MC2R: variants seen among roughly 807,000 people sequenced by gnomAD.
MC2R encodes melanocortin 2 receptor.
A neutral mutation model predicts 9.8 loss-of-function variants in MC2R; 9 were observed. The ratio of observed to expected loss-of-function variants is 0.92; its 90% CI spans 0.55 to 1.60. The LOEUF (loss-of-function observed/expected upper bound fraction) is 1.60. MC2R is among the 40% of genes most tolerant of loss of function. The pLI, the probability that MC2R is intolerant of heterozygous loss-of-function variation, is 0.00. For missense variants in MC2R, 370 were observed against 389.0 expected (o/e 0.95, Z 0.41); for synonymous variants, 185 against 154.7 (o/e 1.20, Z -1.45).
chr18:13,911,743 A>AT (rs1463002345), intron 1 of MC2R, among the ~76,000 whole-genome samples: 1 of 152,184 alleles, frequency 6.6e-6, no homozygotes, highest in Non-Finnish European at 1.5e-5. Context: ...AGATTGGGGC[A>AT]TATGAGGAGG....
At chr18:13,901,051 C>A (rs1239978970) in intron 1 of MC2R, among the ~76,000 whole-genome samples, 1 of 152,050 alleles carries the variant, frequency 6.6e-6, no homozygotes, top group Non-Finnish European at 1.5e-5. Context: ...CAAGTATCTT[C>A]TCTGACCACA....
chr18:13,896,393 G>A (rs1459991809), intron 1 of MC2R, among the ~76,000 whole-genome samples: 1 of 152,128 alleles, frequency 6.6e-6, no homozygotes, highest in Admixed American at 6.5e-5. Context: ...AGTGTGAGAG[G>A]TAACTATTCT....
At chr18:13,903,374 T>C (rs2045392104) in intron 1 of MC2R, among the ~76,000 whole-genome samples, 1 of 152,204 alleles carries the variant, frequency 6.6e-6, no homozygotes, top group African/African-American at 2.4e-5. Context: ...ATCAGCATAT[T>C]GAAGAGGTAT....
At chr18:13,897,441 C>T (rs1183570938) in intron 1 of MC2R, among the ~76,000 whole-genome samples, 2 of 152,138 alleles carry the variant, frequency 1.3e-5, no homozygotes, top group Non-Finnish European at 2.9e-5. Context: ...GTCTAGACCA[C>T]AAGGACTGTA....
At chr18:13,899,582 A>T (rs1442814975) in intron 1 of MC2R, among the ~76,000 whole-genome samples, 1 of 152,214 alleles carries the variant, frequency 6.6e-6, no homozygotes, top group Non-Finnish European at 1.5e-5. Flanking sequence ...ATACTCTCAT[A>T]GATCAAGGAT....
Position 13,885,581 on chromosome 18 carries a change from G to A in MC2R, c.-63C>T. 1 of 1,555,984 alleles carries A rather than the reference G, an allele frequency of 6.4e-7. No individual in the cohort carries two copies. The highest frequency in any genetic ancestry group is 8.8e-7 in the Non-Finnish European group (1 of 1,130,188). ...ACTTGACTTCACGGAAAACTTGATT[G>A]ATTCTTCAGGATCTTTTCTTCCTTG... On this transcript the variant is annotated 5_prime_UTR_variant, in exon 2 of 2. Coordinates refer to ENST00000327606, the MANE Select transcript of MC2R (RefSeq NM_000529.2).
At chr18:13,901,299 T>C (rs762980967) in intron 1 of MC2R, among the ~76,000 whole-genome samples, 4 of 151,486 alleles carry the variant, frequency 2.6e-5, no homozygotes, top group Non-Finnish European at 5.9e-5. Flanking sequence ...GAGGGAATGT[T>C]CCAAATAAAC....
chr18:13,903,826 A>T (rs985927403), intron 1 of MC2R, among the ~76,000 whole-genome samples: 1 of 151,990 alleles, frequency 6.6e-6, no homozygotes, highest in African/African-American at 2.4e-5. Flanking sequence ...TTTTTAAAAT[A>T]AAAAAATGCA....
chr18:13,912,725 GAA>G (rs2045451910), intron 1 of MC2R, among the ~76,000 whole-genome samples: 1 of 152,182 alleles, frequency 6.6e-6, no homozygotes, highest in African/African-American at 2.4e-5. Flanking sequence ...GTCTCCAGCT[GAA>G]GTCAGTTTTC....
chr18:13,914,714 A>T (rs1349293720), intron 1 of MC2R, among the ~76,000 whole-genome samples: 3 of 152,316 alleles, frequency 2.0e-5, no homozygotes, highest in South Asian at 4.1e-4. Context: ...GGCAGCTTAG[A>T]CAAACTGAAA....
In MC2R at chr18:13,884,721, C is replaced by A; in HGVS notation, c.798G>T (p.Met266Ile). The stretch of plus-strand genomic sequence containing the variant: ...TGAAGGGGTCAATGACGGCATTGCA[C>A]ATGATCAACATGCCGTTCACCTGGA... ...SLFQVNGMLI[M>I]CNAVIDPFIY... Residue 266 changes from methionine to isoleucine, a missense_variant, in exon 2 of 2, where the codon ATG (methionine) becomes ATT (isoleucine). Transcript: ENST00000327606. The A allele has an allele frequency of 1.9e-6, 3 of 1,614,112 alleles. No homozygotes were observed. The highest frequency in any genetic ancestry group is 2.5e-6 in the Non-Finnish European group (3 of 1,180,020).
chr18:13,901,989 C>T (rs553080362), intron 1 of MC2R, among the ~76,000 whole-genome samples: 1 of 152,180 alleles, frequency 6.6e-6, no homozygotes, highest in East Asian at 1.9e-4. Flanking sequence ...ACCGACTGCC[C>T]CACTGCCAAA....
rs560560035 is a variant in MC2R at position 13,893,517 on chromosome 18, G to A, written c.-128-7871C>T. 1.6e-4 allele frequency among the ~76,000 whole-genome samples: 24 copies of A among 152,172 alleles called. No individual in the cohort carries two copies. The East Asian group carries it at 4.6e-3, about 29-fold the overall frequency. Reference sequence around the variant, plus strand: ...GCTGCTAAGAATTCTTTCACTAAGGGATTTATTTTTTGCTTGTCTTACCCT... The same window carrying A: ...GCTGCTAAGAATTCTTTCACTAAGGAATTTATTTTTTGCTTGTCTTACCCT... On this transcript the variant is annotated intron_variant, in intron 1 of 1. Coordinates refer to ENST00000327606, the MANE Select transcript of MC2R (RefSeq NM_000529.2).
rs561276395 is a variant in MC2R at position 13,884,086 on chromosome 18, G to C, written c.*539C>G. 3 of 165,124 alleles carry C rather than the reference G, an allele frequency of 1.8e-5. No homozygotes were observed. The South Asian group carries it at 4.9e-4, about 27-fold the overall frequency. 10.2% of individuals were successfully genotyped at this position (165,124 alleles called of 1,614,324 possible). On this transcript the variant is annotated 3_prime_UTR_variant, in exon 2 of 2. Transcript: ENST00000327606. ...TGGCTGTGGGAGACAGACAAATTCA[G>C]CTGCAGCAATGCATTCCTTCCAATT...
intron 1 of MC2R, among the ~76,000 whole-genome samples, chr18:13,901,107 A>C (rs2149140624): frequency 6.6e-6 from 1 of 152,316 alleles, no homozygotes; most frequent in South Asian, 2.1e-4. Flanking sequence ...TATGGAAACT[A>C]TACAAATACA....
chr18:13,892,622 A>G (rs560222766), intron 1 of MC2R, among the ~76,000 whole-genome samples: 15 of 145,530 alleles, frequency 1.0e-4, no homozygotes, highest in African/African-American at 3.8e-4. Context: ...TAAAAGTGAC[A>G]ATAAATGAAC....
At chr18:13,899,512 G>C (rs1002634873) in intron 1 of MC2R, among the ~76,000 whole-genome samples, 1 of 152,060 alleles carries the variant, frequency 6.6e-6, no homozygotes, top group Non-Finnish European at 1.5e-5. Flanking sequence ...GGAAGTAAAA[G>C]GTTATAGAAC....
chr18:13,887,502 G>A (rs766513342), intron 1 of MC2R, among the ~76,000 whole-genome samples: 33 of 152,232 alleles, frequency 2.2e-4, no homozygotes, highest in Non-Finnish European at 4.4e-4. Flanking sequence ...TGTGGTGGTT[G>A]GTGTTCATGT....
intron 1 of MC2R, among the ~76,000 whole-genome samples, chr18:13,905,408 T>C (rs1315618076): frequency 1.3e-5 from 2 of 151,270 alleles, no homozygotes; most frequent in East Asian, 1.9e-4. Context: ...ATCGCTTGAA[T>C]CCGGGAGGCA....
Sources: gnomAD v4.1 joint callset for allele counts (sites outside exome capture counted in the v4.1 genomes callset) on GRCh38, gnomAD v4.1.1 for gene constraint, MANE v1.5 for transcripts, NCBI Gene and HGNC (gene_info 2026-07-23, HGNC 2026-07-21) for gene names.